MAGI2: variants seen among roughly 807,000 people sequenced by gnomAD.
MAGI2 encodes the protein membrane associated guanylate kinase, WW and PDZ domain containing 2, also known as membrane-associated guanylate kinase, WW and PDZ domain-containing protein 2.
MAGI2 carries 35 observed loss-of-function variants against 133.3 expected under a neutral mutation model. That is an observed-to-expected ratio of 0.26 (90% CI 0.20 to 0.35). The LOEUF is 0.35. Ranked by LOEUF, MAGI2 falls within the 10% of genes least tolerant of loss-of-function variation. The pLI is 1.00. For missense variants in MAGI2, 1,636 were observed against 1,863.4 expected (o/e 0.88, Z 2.25); for synonymous variants, 729 against 710.6 (o/e 1.03, Z -0.41).
intron 6 of MAGI2, among the ~76,000 whole-genome samples, chr7:78,467,956 T>C (rs1790810670): frequency 6.6e-6 from 1 of 152,098 alleles, no homozygotes; most frequent in African/African-American, 2.4e-5. Flanking sequence ...AACCAATAAA[T>C]CTGGATATTT....
At chr7:78,089,334 T>C (rs1425007155) in intron 20 of MAGI2, among the ~76,000 whole-genome samples, 1 of 151,992 alleles carries the variant, frequency 6.6e-6, no homozygotes, top group Non-Finnish European at 1.5e-5. Context: ...TAGCCATCAT[T>C]CCCCCAGAGT....
chr7:78,340,025 T>TG (rs752157869), intron 9 of MAGI2, among the ~76,000 whole-genome samples: 36 of 152,322 alleles, frequency 2.4e-4, no homozygotes, highest in South Asian at 1.2e-3. Context: ...TCAATTTTTT[T>TG]TGTTTCTCTA....
At chr7:78,687,853 C>G (rs1161992979) in intron 2 of MAGI2, among the ~76,000 whole-genome samples, 1 of 150,900 alleles carries the variant, frequency 6.6e-6, no homozygotes, top group African/African-American at 2.4e-5. Flanking sequence ...ACCTGTAGTC[C>G]CAGCTACTCG....
intron 2 of MAGI2, among the ~76,000 whole-genome samples, chr7:78,782,339 C>T (rs1239355678): frequency 6.6e-6 from 1 of 152,154 alleles, no homozygotes; most frequent in Admixed American, 6.5e-5. Context: ...TTCCATTCTT[C>T]GCTGTTCTAA....
At chr7:79,068,144 T>G (rs2117129498) in intron 1 of MAGI2, among the ~76,000 whole-genome samples, 1 of 152,348 alleles carries the variant, frequency 6.6e-6, no homozygotes, top group Middle Eastern at 3.4e-3. Flanking sequence ...GGATTCCCTC[T>G]TTTTCTGTTG....
chr7:78,083,381 AG>A (rs201638758), intron 20 of MAGI2, among the ~76,000 whole-genome samples: 3 of 19,474 alleles, frequency 1.5e-4, no homozygotes, highest in Non-Finnish European at 3.0e-4. Flanking sequence ...GGAGGGAGGG[AG>A]GGGGGGAGAG....
intron 1 of MAGI2, among the ~76,000 whole-genome samples, chr7:79,333,998 C>T (rs1528264): frequency 0.84 from 128,036 of 152,220 alleles, 53,943 homozygotes; most frequent in Middle Eastern, 0.86. Context: ...TTAAGGATGA[C>T]ATTACACTGC....
intron 9 of MAGI2, among the ~76,000 whole-genome samples, chr7:78,295,845 T>C (rs1444145065): frequency 6.6e-6 from 1 of 152,174 alleles, no homozygotes; most frequent in Non-Finnish European, 1.5e-5. Flanking sequence ...TGCATAAAAC[T>C]GCTTCTCTGT....
chr7:78,118,532 T>A (rs899633642), intron 20 of MAGI2, among the ~76,000 whole-genome samples: 2 of 152,088 alleles, frequency 1.3e-5, no homozygotes, highest in African/African-American at 4.8e-5. Context: ...TGATAAAAAG[T>A]GGGCCAAACA....
At chr7:78,802,589 G>A (rs1788164254) in intron 2 of MAGI2, among the ~76,000 whole-genome samples, 2 of 152,150 alleles carry the variant, frequency 1.3e-5, no homozygotes, top group Non-Finnish European at 2.9e-5. Flanking sequence ...TTTTAGGGCA[G>A]TGAAACTACT....
chr7:78,594,746 A>G (rs1471740350), intron 3 of MAGI2, among the ~76,000 whole-genome samples: 1 of 152,116 alleles, frequency 6.6e-6, no homozygotes, highest in Non-Finnish European at 1.5e-5. Flanking sequence ...GTGAGCCACT[A>G]CGTCCGGCCA....
At chr7:78,376,078 T>C (rs1171649684) in intron 6 of MAGI2, among the ~76,000 whole-genome samples, 1 of 152,084 alleles carries the variant, frequency 6.6e-6, no homozygotes, top group Non-Finnish European at 1.5e-5. Context: ...CATACATTAA[T>C]GAAAGCTAAC....
intron 2 of MAGI2, among the ~76,000 whole-genome samples, chr7:78,744,170 C>G (rs531441351): frequency 1.3e-5 from 2 of 151,934 alleles, no homozygotes; most frequent in African/African-American, 4.8e-5. Flanking sequence ...GTCAAAAAAC[C>G]CATTGATATC....
intron 12 of MAGI2, among the ~76,000 whole-genome samples, chr7:78,188,746 A>C (rs1019380801): frequency 1.3e-5 from 2 of 152,184 alleles, no homozygotes; most frequent in African/African-American, 4.8e-5. Flanking sequence ...ATGGCCTTTC[A>C]TGATCACCTA....
intron 3 of MAGI2, among the ~76,000 whole-genome samples, chr7:78,600,365 T>A (rs917514988): frequency 6.6e-6 from 1 of 152,002 alleles, no homozygotes; most frequent in Non-Finnish European, 1.5e-5. Flanking sequence ...AAAGCTGAAA[T>A]CTAGAGCCTG....
intron 6 of MAGI2, among the ~76,000 whole-genome samples, chr7:78,386,004 T>G (rs117189901): frequency 6.6e-6 from 1 of 151,638 alleles, no homozygotes; most frequent in African/African-American, 2.4e-5. Flanking sequence ...CTTCCCCCCC[T>G]AGCTCAAACA....
intron 9 of MAGI2, among the ~76,000 whole-genome samples, chr7:78,278,306 A>G (rs779334973): frequency 2.6e-5 from 4 of 152,152 alleles, no homozygotes; most frequent in Non-Finnish European, 4.4e-5. Flanking sequence ...AGTAGAAGAC[A>G]ATCAAGTTTC....
At chr7:78,972,395 T>C (rs1476444721) in intron 2 of MAGI2, among the ~76,000 whole-genome samples, 3 of 151,926 alleles carry the variant, frequency 2.0e-5, no homozygotes, top group Non-Finnish European at 1.5e-5. Context: ...TAGGTTTAGT[T>C]TGGTTGTTTC....
At chr7:78,508,075 C>T (rs894348295) in intron 4 of MAGI2, among the ~76,000 whole-genome samples, 1 of 152,312 alleles carries the variant, frequency 6.6e-6, no homozygotes, top group East Asian at 1.9e-4. Flanking sequence ...TAATTGCAGT[C>T]TTCACATGGT....
Sources: allele counts gnomAD v4.1 joint callset (sites outside exome capture counted in the v4.1 genomes callset), GRCh38; gene constraint gnomAD v4.1.1; transcripts MANE v1.5; gene names NCBI Gene and HGNC (gene_info 2026-07-23, HGNC 2026-07-21).